IRAG1: variants seen among roughly 807,000 people sequenced by gnomAD.
IRAG1 encodes IP3R-associated cGMP kinase substrate.
Under a neutral mutation model 106.2 loss-of-function variants are expected in IRAG1, and 62 were observed. The observed-to-expected ratio is 0.58, with a 90% confidence interval of 0.48 to 0.72. The LOEUF is 0.72. Among genes scored for constraint, IRAG1 ranks in the 30% least tolerant of loss-of-function variants. IRAG1 has a pLI of 0.00. For synonymous variants in IRAG1, 462 were observed against 443.9 expected (o/e 1.04, Z -0.51); for missense variants, 1,064 against 1,140.7 (o/e 0.93, Z 0.97).
At chr11:10,684,601 G>GTAT (rs1430340613) in intron 1 of IRAG1, among the ~76,000 whole-genome samples, 1 of 114,210 alleles carries the variant, frequency 8.8e-6, no homozygotes, top group East Asian at 3.1e-4. Context: ...AAAACTTAAA[G>GTAT]TATAATAATA....
intron 20 of IRAG1, among the ~76,000 whole-genome samples, chr11:10,577,061 TCTAA>T (rs376592580): frequency 2.6e-5 from 4 of 152,188 alleles, no homozygotes; most frequent in African/African-American, 4.8e-5. Context: ...CAGTTCCACA[TCTAA>T]CTGTGTCCAG....
chr11:10,690,359 C>A (rs1006271389), intron 1 of IRAG1: 3 of 1,276,996 alleles, frequency 2.3e-6, no homozygotes, highest in African/African-American at 1.5e-5. Context: ...GGTGACAGTG[C>A]GAGACCCTGT....
intron 10 of IRAG1, among the ~76,000 whole-genome samples, chr11:10,610,481 A>G (rs1854854166): frequency 1.3e-5 from 2 of 152,334 alleles, no homozygotes; most frequent in East Asian, 3.9e-4. Flanking sequence ...GACAGAATGA[A>G]CAAACCAAGT....
intron 1 of IRAG1, among the ~76,000 whole-genome samples, chr11:10,662,769 A>C (rs533441051): frequency 6.6e-6 from 1 of 152,186 alleles, no homozygotes; most frequent in Non-Finnish European, 1.5e-5. Context: ...CCAGACCTGG[A>C]CTCATGGCTT....
chr11:10,583,761 A>C (rs1851636668), intron 18 of IRAG1, among the ~76,000 whole-genome samples: 1 of 152,180 alleles, frequency 6.6e-6, no homozygotes, highest in Admixed American at 6.5e-5. Flanking sequence ...GACCTTGGAA[A>C]ACTAGAGAAT....
intron 17 of IRAG1, chr11:10,593,149 C>T (rs1852870520): frequency 5.5e-6 from 1 of 182,878 alleles, no homozygotes; most frequent in African/African-American, 2.4e-5. Context: ...GTTCTACCAC[C>T]TATCACACAT....
At chr11:10,580,637 G>A in intron 19 of IRAG1, 48 bp from the exon 20 acceptor site, 5 of 1,597,744 alleles carry the variant, frequency 3.1e-6, no homozygotes, top group Non-Finnish European at 4.3e-6. Flanking sequence ...CAGATGCAGT[G>A]CATCCTTTCC....
intron 1 of IRAG1, among the ~76,000 whole-genome samples, chr11:10,667,571 T>C (rs532646785): frequency 6.6e-6 from 1 of 152,164 alleles, no homozygotes; most frequent in African/African-American, 2.4e-5. Context: ...ATTCTACATG[T>C]CCAGATGAGA....
chr11:10,686,699 G>C (rs902810510), intron 1 of IRAG1, among the ~76,000 whole-genome samples: 1 of 152,176 alleles, frequency 6.6e-6, no homozygotes, highest in Non-Finnish European at 1.5e-5. Context: ...GAGATGGAAA[G>C]AGATGGGGCT....
chr11:10,671,514 C>A (rs947836382), intron 1 of IRAG1, among the ~76,000 whole-genome samples: 9 of 152,130 alleles, frequency 5.9e-5, no homozygotes, highest in African/African-American at 2.2e-4. Flanking sequence ...GAGTTTGAGA[C>A]CAGCTTGGCC....
chr11:10,592,854 C>T (rs1055782519), intron 17 of IRAG1, among the ~76,000 whole-genome samples: 3 of 152,184 alleles, frequency 2.0e-5, no homozygotes, highest in Admixed American at 6.5e-5. Context: ...TCTATGTCTA[C>T]ACACAGAAAC....
In IRAG1 at chr11:10,600,587, A is replaced by G. The variant is rs1013041866; in HGVS notation, c.2017+331T>C. The stretch of plus-strand genomic sequence containing the variant: ...GCTGCCTAAAAGGGGATCCCAAAGC[A>G]CACGGACTGACAGGGTCTAGGGTCA... On this transcript the variant is annotated intron_variant, in intron 15 of 20. Coordinates refer to ENST00000423302, the MANE Select transcript of IRAG1 (RefSeq NM_130385.4). Among the ~76,000 whole-genome samples, 5 of 152,258 alleles carry G rather than the reference A, an allele frequency of 3.3e-5. No homozygotes were observed. In the South Asian group the frequency reaches 8.3e-4, roughly 25 times the overall value.
chr11:10,648,805 G>T (rs964326490), intron 2 of IRAG1, among the ~76,000 whole-genome samples: 9 of 152,186 alleles, frequency 5.9e-5, no homozygotes, highest in Non-Finnish European at 1.3e-4. Context: ...ATCTGCGTGT[G>T]TGTCTGTGTG....
chr11:10,688,247 C>A (rs1023134384), intron 1 of IRAG1, among the ~76,000 whole-genome samples: 2 of 152,126 alleles, frequency 1.3e-5, no homozygotes, highest in Non-Finnish European at 2.9e-5. Context: ...CACACGGTCA[C>A]TCCAGGGTCC....
intron 3 of IRAG1, 105 bp from the exon 4 acceptor site, chr11:10,632,166 GTTTCCTTC>G: frequency 1.4e-6 from 1 of 739,048 alleles, no homozygotes. Flanking sequence ...TTCTTTCTTT[GTTTCCTTC>G]TTTCCTTCTT....
At chr11:10,671,670 C>G (rs543070055) in intron 1 of IRAG1, among the ~76,000 whole-genome samples, 4 of 152,282 alleles carry the variant, frequency 2.6e-5, no homozygotes, top group Non-Finnish European at 4.4e-5. Context: ...CAAGATCACA[C>G]CACTGCACTC....
rs149513660 is a variant in IRAG1, at chr11:10,641,044, T to TTC, written c.226-6975_226-6974dup. ...CAAATATTCCATGGACATAACTGTA[T>TTC]TCTCTCTCTCTCTCTCGACTGAATC... On this transcript the variant is annotated intron_variant, in intron 2 of 20. Coordinates refer to ENST00000423302, the MANE Select transcript of IRAG1 (RefSeq NM_130385.4). Among the ~76,000 whole-genome samples the TTC allele has an allele frequency of 6.9e-3, 1,036 of 151,090 alleles. 11 individuals are homozygous for TTC. The highest frequency in any genetic ancestry group is 0.023 in the African/African-American group (971 of 41,320).
intron 10 of IRAG1, among the ~76,000 whole-genome samples, chr11:10,622,982 G>T (rs1855956005): frequency 6.6e-6 from 1 of 151,580 alleles, no homozygotes; most frequent in Admixed American, 6.6e-5. Context: ...TATTGTTTTA[G>T]GTACTTTATA....
chr11:10,691,862 G>A (rs1589992227), intron 1 of IRAG1, among the ~76,000 whole-genome samples: 2 of 152,086 alleles, frequency 1.3e-5, no homozygotes, highest in Non-Finnish European at 1.5e-5. Flanking sequence ...ACCATGGCCT[G>A]GGGCTGAGCA....
Sources: gnomAD v4.1 joint callset for allele counts (sites outside exome capture counted in the v4.1 genomes callset) on GRCh38, gnomAD v4.1.1 for gene constraint, MANE v1.5 for transcripts, NCBI Gene and HGNC (gene_info 2026-07-23, HGNC 2026-07-21) for gene names.